ARL3: variants seen among roughly 807,000 people sequenced by gnomAD.
The protein encoded by ARL3 is ARF like GTPase 3, also known as ADP-ribosylation factor-like protein 3.
Under a neutral mutation model 26.0 loss-of-function variants are expected in ARL3, and 9 were observed. The observed-to-expected ratio is 0.35, with a 90% CI of 0.21 to 0.60. ARL3 has a LOEUF of 0.60. ARL3 is among the 20% of genes least tolerant of loss of function. The pLI is 0.78. For synonymous variants in ARL3, 71 were observed against 78.4 expected, an observed-to-expected ratio of 0.91 and a Z score of 0.50; for missense variants, 158 against 215.7, an observed-to-expected ratio of 0.73 and a Z score of 1.67.
rs776448330 is a variant in ARL3 at position 102,679,224 on chromosome 10, G to A, written c.502-2283C>T. 3.0e-4 allele frequency among the ~76,000 whole-genome samples: 45 copies of A among 152,298 alleles called. 1 individual carries two copies. Among genetic ancestry groups the A allele is most frequent in the Admixed American group, 1.5e-3 (23 of 15,296 alleles). ...ATCACGTGGCCATGGATCTAGCTGG[G>A]GCAAGCTTTGTCAATCACATCAGGG... On this transcript the variant is annotated intron_variant, in intron 5 of 5. Transcript: ENST00000260746.
chr10:102,697,162 T>A (rs1369631259), intron 3 of ARL3, among the ~76,000 whole-genome samples: 1 of 152,098 alleles, frequency 6.6e-6, no homozygotes, highest in Non-Finnish European at 1.5e-5. Flanking sequence ...GTAATATAAA[T>A]TTTTCAGCTT....
chr10:102,684,727 C>T (rs1019258840), intron 5 of ARL3, among the ~76,000 whole-genome samples: 1 of 151,706 alleles, frequency 6.6e-6, no homozygotes, highest in African/African-American at 2.4e-5. Flanking sequence ...GAACCTTCGC[C>T]TCCCAGCTTC....
intron 1 of ARL3, among the ~76,000 whole-genome samples, chr10:102,709,648 A>C (rs1332045866): frequency 7.4e-4 from 3 of 4,048 alleles, no homozygotes; most frequent in African/African-American, 1.9e-3. Flanking sequence ...CTCTGTCTCA[A>C]AAAAAAAAAA....
chr10:102,705,619 A>G (rs1314111696), intron 1 of ARL3, 130 bp from the exon 2 acceptor site: 1 of 940,706 alleles, frequency 1.1e-6, no homozygotes, highest in South Asian at 3.0e-5. Context: ...TTTCATTCTA[A>G]TGCCACTTAT....
At chr10:102,683,905 G>A (rs933708609) in intron 5 of ARL3, among the ~76,000 whole-genome samples, 6 of 152,012 alleles carry the variant, frequency 3.9e-5, no homozygotes, top group Non-Finnish European at 7.3e-5. Context: ...TAAATGCCAC[G>A]GCTCTAAATA....
chr10:102,684,437 C>T (rs1021618105), intron 5 of ARL3, among the ~76,000 whole-genome samples: 12 of 152,064 alleles, frequency 7.9e-5, no homozygotes, highest in Admixed American at 6.6e-5. Context: ...GTGTGAGCCA[C>T]CACAGCCGGC....
At chr10:102,704,758 T>C (rs2064299498) in intron 2 of ARL3, among the ~76,000 whole-genome samples, 2 of 152,216 alleles carry the variant, frequency 1.3e-5, no homozygotes, top group African/African-American at 4.8e-5. Flanking sequence ...TACATATATT[T>C]TAAATTGTAA....
rs1460130777 is a variant in ARL3, at chr10:102,704,046, G to A, written c.147+1300C>T. 6.6e-5 allele frequency among the ~76,000 whole-genome samples: 10 copies of A among 150,496 alleles called. No individual in the cohort carries two copies. The East Asian group carries it at 1.8e-3, about 27-fold the overall frequency. ...TGCACCTGTAGTCCCAGCTACTTGG[G>A]AGGCTGAGGCAGGAGAATCACTTGA... On this transcript the variant is annotated intron_variant, in intron 2 of 5. Transcript: ENST00000260746.
At chr10:102,701,188 A>T (rs917570564) in intron 2 of ARL3, among the ~76,000 whole-genome samples, 15 of 152,256 alleles carry the variant, frequency 9.9e-5, no homozygotes, top group African/African-American at 3.6e-4. Context: ...TTGCATGAAC[A>T]AGAATTTTTT....
At chr10:102,684,761 C>G (rs985748887) in intron 5 of ARL3, among the ~76,000 whole-genome samples, 1 of 151,928 alleles carries the variant, frequency 6.6e-6, no homozygotes, top group Non-Finnish European at 1.5e-5. Flanking sequence ...GCCTCAGCCT[C>G]CCAAGTAGCT....
chr10:102,678,138 C>T (rs1309812365), intron 5 of ARL3, among the ~76,000 whole-genome samples: 1 of 152,164 alleles, frequency 6.6e-6, no homozygotes, highest in East Asian at 1.9e-4. Context: ...GGCAGCAGAA[C>T]TAGATAATCT....
Position 102,676,851 on chromosome 10 carries a change from G to C in ARL3, c.*43C>G. On this transcript the variant is annotated 3_prime_UTR_variant, in exon 6 of 6. Transcript: ENST00000260746. ...CAGCAAATTAGTGTTTTTCAGGACCGAATTCGGCTCCCGCAGCTCCTGCAT... is the reference window on the plus strand; with the variant it reads ...CAGCAAATTAGTGTTTTTCAGGACCCAATTCGGCTCCCGCAGCTCCTGCAT... 1 of 1,604,396 alleles carries C rather than the reference G, an allele frequency of 6.2e-7. No homozygotes were observed. The highest frequency in any genetic ancestry group is 1.7e-5 in the Admixed American group (1 of 59,984).
chr10:102,686,331 C>T (rs1437824187), intron 4 of ARL3, among the ~76,000 whole-genome samples: 1 of 151,982 alleles, frequency 6.6e-6, no homozygotes, highest in Non-Finnish European at 1.5e-5. Context: ...CTCGGCCTCC[C>T]AAAGTGCTGG....
intron 3 of ARL3, 38 bp downstream of exon 3, chr10:102,699,335 A>G: frequency 7.8e-7 from 1 of 1,288,504 alleles, no homozygotes; most frequent in South Asian, 1.2e-5. Flanking sequence ...CACATGGCAG[A>G]AAATACTATG....
intron 3 of ARL3, among the ~76,000 whole-genome samples, chr10:102,696,170 T>C (rs1015045303): frequency 2.0e-5 from 3 of 151,548 alleles, no homozygotes; most frequent in Non-Finnish European, 4.4e-5. Context: ...TTCACCGTGT[T>C]AGCCAGGATG....
intron 2 of ARL3, among the ~76,000 whole-genome samples, chr10:102,702,818 G>A (rs893393417): frequency 1.3e-5 from 2 of 152,222 alleles, no homozygotes; most frequent in East Asian, 3.9e-4. Context: ...TGTTCATTTG[G>A]TAGCAGTTGA....
At chr10:102,707,367 T>A (rs986471704) in intron 1 of ARL3, among the ~76,000 whole-genome samples, 1 of 151,984 alleles carries the variant, frequency 6.6e-6, no homozygotes, top group Non-Finnish European at 1.5e-5. Context: ...GATTTTTAGT[T>A]AAGAACATAA....
At chr10:102,703,656 G>A (rs1397428065) in intron 2 of ARL3, among the ~76,000 whole-genome samples, 2 of 149,890 alleles carry the variant, frequency 1.3e-5, no homozygotes, top group Admixed American at 6.7e-5. Flanking sequence ...TGTTAGCCAG[G>A]ATGGTCTCGA....
Position 102,689,953 on chromosome 10 carries a change from A to G in ARL3, c.265-10T>C. 1 of 1,573,172 alleles carries G rather than the reference A, an allele frequency of 6.4e-7. No homozygotes were observed. The highest frequency in any genetic ancestry group is 8.7e-7 in the Non-Finnish European group (1 of 1,154,244). ...TGTCGATTACATATATCTATAAAGG[A>G]AAAGAAGAAGGTTATTTCAGTGAGC... On this transcript the variant is annotated splice_polypyrimidine_tract_variant and intron_variant, in intron 3 of 5. Coordinates refer to ENST00000260746, the MANE Select transcript of ARL3 (RefSeq NM_004311.4).
Sources: allele counts gnomAD v4.1 joint callset (sites outside exome capture counted in the v4.1 genomes callset), GRCh38; gene constraint gnomAD v4.1.1; transcripts MANE v1.5; gene names NCBI Gene and HGNC (gene_info 2026-07-23, HGNC 2026-07-21).